The following CFH variants were observed in gnomAD, a reference collection of about 807,000 sequenced individuals.
CFH encodes complement factor H.
CFH carries 53 observed loss-of-function variants against 147.3 expected under a neutral mutation model. The observed-to-expected ratio is 0.36, with a 90% CI of 0.29 to 0.45. CFH has a LOEUF of 0.45. CFH is among the 20% of genes least tolerant of loss of function. CFH has a pLI of 1.00. For missense variants in CFH, 1,380 were observed against 1,498.0 expected (o/e 0.92, Z 1.30); for synonymous variants, 536 against 489.4 (o/e 1.10, Z -1.26).
intron 11 of CFH, among the ~76,000 whole-genome samples, chr1:196,717,586 A>G (rs1385970269): frequency 6.6e-6 from 1 of 152,136 alleles, no homozygotes; most frequent in East Asian, 1.9e-4. Context: ...TGAGCTAGAC[A>G]TTCAATACAG....
chr1:196,676,649 A>G (rs1452028931), intron 4 of CFH, among the ~76,000 whole-genome samples: 1 of 151,762 alleles, frequency 6.6e-6, no homozygotes, highest in East Asian at 1.9e-4. Context: ...TGGAAATAAA[A>G]GAAATCAACC....
chr1:196,740,944 T>G (rs2149115220), intron 18 of CFH, 152 bp downstream of exon 18: 1 of 794,872 alleles, frequency 1.3e-6, no homozygotes, highest in Non-Finnish European at 2.1e-6. Flanking sequence ...CTGTAGTAAT[T>G]AAAACATTTG....
At chr1:196,702,444 C>T (rs1668482504) in intron 9 of CFH, among the ~76,000 whole-genome samples, 1 of 151,758 alleles carries the variant, frequency 6.6e-6, no homozygotes, top group African/African-American at 2.4e-5. Context: ...TCTCTGTTCT[C>T]CACTTCCAAC....
At chr1:196,691,603 C>T (rs12740961) in intron 9 of CFH, among the ~76,000 whole-genome samples, 29,384 of 151,454 alleles carry the variant, frequency 0.19, 3,577 homozygotes, top group African/African-American at 0.34. Context: ...TCTTTATTTA[C>T]CTTTTTGAGA....
chr1:196,673,183 G>T lies in CFH; in HGVS notation c.244+20G>T. On this transcript the variant is annotated intron_variant, in intron 2 of 21. Coordinates refer to ENST00000367429, the MANE Select transcript of CFH (RefSeq NM_000186.4). ...GTCAGAGTAAGTACTTAATACATTT[G>T]TGAAATTTATGAAAACTAGGTGTAA... 1.2e-6 allele frequency: 2 copies of T among 1,603,894 alleles called. No homozygotes were observed. Among genetic ancestry groups the T allele is most frequent in the Non-Finnish European group, 1.7e-6 (2 of 1,171,422 alleles).
At position 196,720,076 on chromosome 1, in the gene CFH, T is replaced by C. The variant is rs146966374; in HGVS notation, c.1696+4307T>C. ...AGAATTTACCTTTTTGTGATGTATA[T>C]GTCAGTCATCAAGAATTATAAACAT... On this transcript the variant is annotated intron_variant, in intron 11 of 21. Transcript: ENST00000367429. 3.4e-3 allele frequency among the ~76,000 whole-genome samples: 518 copies of C among 152,026 alleles called. 5 individuals are homozygous for C. The highest frequency in any genetic ancestry group is 0.011 in the African/African-American group (465 of 41,564).
At chr1:196,687,897 T>C (rs1031271579) in intron 7 of CFH, among the ~76,000 whole-genome samples, 2 of 152,054 alleles carry the variant, frequency 1.3e-5, no homozygotes, top group African/African-American at 4.8e-5. Context: ...GAAACTATAC[T>C]GAAAGAAGTA....
At chr1:196,657,094 C>T (rs1291071975) in intron 1 of CFH, among the ~76,000 whole-genome samples, 1 of 152,052 alleles carries the variant, frequency 6.6e-6, no homozygotes, top group East Asian at 1.9e-4. Flanking sequence ...TGGGCTCAAG[C>T]AATCCTCCTG....
chr1:196,684,330 T>C (rs1215892984), intron 6 of CFH, among the ~76,000 whole-genome samples: 1 of 152,000 alleles, frequency 6.6e-6, no homozygotes, highest in Non-Finnish European at 1.5e-5. Context: ...GAAAAGGTTT[T>C]CCAAACCCTC....
At chr1:196,741,563 AC>A in intron 18 of CFH, 1 of 343,992 alleles carries the variant, frequency 2.9e-6, no homozygotes, top group Non-Finnish European at 5.5e-6. Flanking sequence ...GGGTGAGGAC[AC>A]AAAGCCTAAC....
intron 2 of CFH, chr1:196,673,399 C>T: frequency 2.0e-6 from 1 of 510,366 alleles, no homozygotes; most frequent in South Asian, 2.1e-5. Flanking sequence ...TGCAGTGGCG[C>T]TATTTCGGCT....
chr1:196,706,368 A>T (rs1398215286), intron 9 of CFH, among the ~76,000 whole-genome samples: 1 of 152,102 alleles, frequency 6.6e-6, no homozygotes, highest in African/African-American at 2.4e-5. Flanking sequence ...ATAATACACT[A>T]CCATGGACAT....
chr1:196,747,342 C>T lies in CFH; in HGVS notation c.*29C>T, dbSNP rs371680052. 6.2e-7 allele frequency: 1 copy of T among 1,613,368 alleles called. No homozygotes were observed. The highest frequency in any genetic ancestry group is 1.3e-5 in the African/African-American group (1 of 75,032). On this transcript the variant is annotated 3_prime_UTR_variant, in exon 22 of 22. Coordinates refer to ENST00000367429, the MANE Select transcript of CFH (RefSeq NM_000186.4). ...CAATCATAAAGTGCACACCTTTATT[C>T]AGAACTTTAGTATTAAATCAGTTCT...
At chr1:196,670,603 T>C (rs1204252899) in intron 1 of CFH, among the ~76,000 whole-genome samples, 1 of 152,176 alleles carries the variant, frequency 6.6e-6, no homozygotes, top group Non-Finnish European at 1.5e-5. Context: ...CCACCATGAC[T>C]GTAACTTTCC....
chr1:196,683,527 T>A (rs747807325), intron 6 of CFH, among the ~76,000 whole-genome samples: 1 of 151,690 alleles, frequency 6.6e-6, no homozygotes, highest in Non-Finnish European at 1.5e-5. Flanking sequence ...ATGTAGTACA[T>A]TAGCTAAACT....
At chr1:196,687,420 C>T (rs912071431) in intron 7 of CFH, among the ~76,000 whole-genome samples, 22 of 151,474 alleles carry the variant, frequency 1.5e-4, no homozygotes, top group Admixed American at 2.6e-4. Flanking sequence ...CTAAATAGCT[C>T]GAGCCTGTGG....
chr1:196,740,553 T>A, intron 17 of CFH, 66 bp from the exon 18 acceptor site: 1 of 1,475,016 alleles, frequency 6.8e-7, no homozygotes, highest in Non-Finnish European at 9.4e-7. Flanking sequence ...CTACTTAATA[T>A]TAAAACAGGC....
At chr1:196,661,543 T>C (rs1442021817) in intron 1 of CFH, among the ~76,000 whole-genome samples, 1 of 152,186 alleles carries the variant, frequency 6.6e-6, no homozygotes. Context: ...CCTCCAATGA[T>C]GAAAGGGACA....
chr1:196,672,685 T>A (rs1009738264), intron 1 of CFH, among the ~76,000 whole-genome samples: 1 of 152,162 alleles, frequency 6.6e-6, no homozygotes, highest in African/African-American at 2.4e-5. Context: ...CAATTAAGAG[T>A]AATATAACAA....
Sources: allele counts gnomAD v4.1 joint callset (sites outside exome capture counted in the v4.1 genomes callset), GRCh38; gene constraint gnomAD v4.1.1; transcripts MANE v1.5; gene names NCBI Gene and HGNC (gene_info 2026-07-23, HGNC 2026-07-21).